The following DOCK10 variants were observed in gnomAD, a reference collection of about 807,000 sequenced individuals.
The protein encoded by DOCK10 is dedicator of cytokinesis protein 10.
DOCK10 carries 145 observed loss-of-function variants against 280.1 expected under a neutral mutation model. The observed-to-expected ratio is 0.52, with a 90% confidence interval of 0.45 to 0.59. The LOEUF (loss-of-function observed/expected upper bound fraction) is 0.59. DOCK10 is among the 20% of genes least tolerant of loss of function. The pLI is 0.00. For synonymous variants in DOCK10, 915 were observed against 942.2 expected (o/e 0.97, Z 0.53); for missense variants, 2,368 against 2,651.7 (o/e 0.89, Z 2.35).
Position 224,830,557 on chromosome 2 carries a change from T to A in DOCK10, c.3020A>T (p.Asp1007Val). The A allele has an allele frequency of 6.6e-7, 1 of 1,512,652 alleles. No homozygotes were observed. The highest frequency in any genetic ancestry group is 8.9e-7 in the Non-Finnish European group (1 of 1,120,602). 93.7% of individuals were successfully genotyped at this position (1,512,652 alleles called of 1,614,324 possible). The change falls in exon 27 of 56, where the codon GAC becomes GTC. Residue 1007 changes from aspartate (D) to valine (V), a missense_variant. Asp to Val is a radical substitution (Grantham distance 152, BLOSUM62 -3). Around this residue, in one of 2 missense-constraint regions of DOCK10, gnomAD observed 1,209 missense variants for 1,250.9 expected, o/e 0.97. Transcript: ENST00000258390. ...ILKSMAQHLI[D>V]TNKIQLPRPQ... ...TGTTCTTACCTGGATTTTATTTGTGTCAATCAAGTGCTGTGCCATCGATTT... is the reference window on the plus strand; with the variant it reads ...TGTTCTTACCTGGATTTTATTTGTGACAATCAAGTGCTGTGCCATCGATTT...
intron 55 of DOCK10, among the ~76,000 whole-genome samples, chr2:224,767,376 C>T (rs1690130353): frequency 6.6e-6 from 1 of 152,166 alleles, no homozygotes; most frequent in Admixed American, 6.5e-5. Context: ...GTTGGCCAGG[C>T]TGGTCTCGAA....
rs1039918698 is a variant in DOCK10, at chr2:224,970,012, A to G, written c.124-38344T>C. Among the ~76,000 whole-genome samples, 1 of 151,970 alleles carries G rather than the reference A, an allele frequency of 6.6e-6. No homozygotes were observed. The highest frequency in any genetic ancestry group is 2.4e-5 in the African/African-American group (1 of 41,342). On this transcript the variant is annotated intron_variant, in intron 1 of 55. Coordinates refer to ENST00000258390, the MANE Select transcript of DOCK10 (RefSeq NM_014689.3). This position sits in a 1 kb window ranked among gnomAD's most constrained non-coding sequence, Gnocchi z 4.6. Reference sequence around the variant, plus strand: ...TTCCCCCAGTGGCTTTCATTTGGGGAATATCATTGGGTTCACTGGCTTTTT... The same window carrying G: ...TTCCCCCAGTGGCTTTCATTTGGGGGATATCATTGGGTTCACTGGCTTTTT...
At chr2:224,810,674 C>G (rs1693709825) in intron 31 of DOCK10, among the ~76,000 whole-genome samples, 1 of 136,376 alleles carries the variant, frequency 7.3e-6, no homozygotes, top group Non-Finnish European at 1.5e-5. Context: ...GTGATGTTCC[C>G]CTTCCTGTGT....
chr2:224,888,625 A>G (rs10168795), intron 4 of DOCK10, among the ~76,000 whole-genome samples: 35,916 of 151,644 alleles, frequency 0.24, 5,835 homozygotes, highest in African/African-American at 0.47. Flanking sequence ...GTGTGTGAAT[A>G]TATGTGTGTA....
intron 40 of DOCK10, among the ~76,000 whole-genome samples, chr2:224,801,232 CA>C (rs1220915606): frequency 1.1e-5 from 1 of 90,194 alleles, no homozygotes; most frequent in Admixed American, 1.5e-4. Context: ...TTACAGAATG[CA>C]AAATTTTCCC....
chr2:224,948,130 G>A (rs1703531685), intron 1 of DOCK10, among the ~76,000 whole-genome samples: 1 of 152,144 alleles, frequency 6.6e-6, no homozygotes, highest in Admixed American at 6.5e-5. Flanking sequence ...CTTTTCCCCA[G>A]TAATAATTAG....
At chr2:224,910,212 C>A (rs1280634680) in intron 3 of DOCK10, among the ~76,000 whole-genome samples, 1 of 152,206 alleles carries the variant, frequency 6.6e-6, no homozygotes, top group Non-Finnish European at 1.5e-5. Context: ...TTCTACAAAG[C>A]TCTACAAACG....
chr2:224,985,841 G>A (rs1705960130), intron 1 of DOCK10, among the ~76,000 whole-genome samples: 1 of 145,066 alleles, frequency 6.9e-6, no homozygotes, highest in Non-Finnish European at 1.5e-5. Flanking sequence ...TGTACATGTT[G>A]ATATATCCAC....
At chr2:224,997,254 C>T (rs868100716) in intron 1 of DOCK10, among the ~76,000 whole-genome samples, 40 of 126,440 alleles carry the variant, frequency 3.2e-4, no homozygotes, top group Non-Finnish European at 4.8e-4. Context: ...TCCTTTCTTT[C>T]GGAGTCTCAC....
Position 224,837,776 on chromosome 2 carries a change from G to A in DOCK10, c.2836C>T (p.Gln946Ter), listed in dbSNP as rs569075728. 1 of 1,613,728 alleles carries A rather than the reference G, an allele frequency of 6.2e-7. No individual in the cohort carries two copies. Among genetic ancestry groups the A allele is most frequent in the Admixed American group, 1.7e-5 (1 of 60,024 alleles). Residue 946 changes from glutamine (Q) to a stop codon, truncating the protein, a stop_gained, in exon 25 of 56, where the codon CAG (glutamine) becomes TAG (stop). Coordinates refer to ENST00000258390, the MANE Select transcript of DOCK10 (RefSeq NM_014689.3). LOFTEE classifies it high-confidence loss of function. ...CHEEQLDHSV[Q>*]SYIKFVFKTR... ...GCATTTCATACCTTAATATATGACT[G>A]GACAGAATGATCCAGCTGCTCCTCA...
At chr2:225,003,243 C>T (rs1184811897) in intron 1 of DOCK10, among the ~76,000 whole-genome samples, 1 of 152,112 alleles carries the variant, frequency 6.6e-6, no homozygotes, top group African/African-American at 2.4e-5. Flanking sequence ...CAGGATTTCA[C>T]CATGTTGCCC....
chr2:224,817,860 A>G (rs1433237292), intron 29 of DOCK10, among the ~76,000 whole-genome samples: 1 of 152,256 alleles, frequency 6.6e-6, no homozygotes, highest in Admixed American at 6.5e-5. Context: ...GAAAGGCTGT[A>G]AGAATCTCAT....
intron 1 of DOCK10, chr2:224,982,359 T>G (rs1432868434): frequency 1.6e-6 from 2 of 1,231,798 alleles, no homozygotes; most frequent in Non-Finnish European, 2.0e-6. Flanking sequence ...ATGCTGGCAG[T>G]GCAGCCCATC....
intron 20 of DOCK10, 72 bp downstream of exon 20, chr2:224,845,446 CT>C: frequency 6.4e-7 from 1 of 1,557,910 alleles, no homozygotes; most frequent in South Asian, 1.2e-5. Flanking sequence ...TAAATCAGGG[CT>C]TTGAAAACAC....
At chr2:224,951,293 T>C (rs1029209008) in intron 1 of DOCK10, among the ~76,000 whole-genome samples, 1 of 152,246 alleles carries the variant, frequency 6.6e-6, no homozygotes, top group Non-Finnish European at 1.5e-5. Context: ...TGTATATACA[T>C]AAACTATTAT....
chr2:224,936,837 C>G (rs1223633721), intron 1 of DOCK10, among the ~76,000 whole-genome samples: 3 of 152,018 alleles, frequency 2.0e-5, no homozygotes, highest in Non-Finnish European at 4.4e-5. Flanking sequence ...CTTGGTTTCT[C>G]AAAACTATCA....
At chr2:224,922,733 G>A (rs978000654) in intron 2 of DOCK10, among the ~76,000 whole-genome samples, 1 of 152,094 alleles carries the variant, frequency 6.6e-6, no homozygotes, top group East Asian at 1.9e-4. Context: ...CTCTCAATTG[G>A]CCAAAGGTCA....
intron 1 of DOCK10, among the ~76,000 whole-genome samples, chr2:224,999,883 C>T (rs539815186): frequency 3.3e-4 from 50 of 152,188 alleles, no homozygotes; most frequent in African/African-American, 1.0e-3. Context: ...TATTGCATGC[C>T]AAGAGCTTGG....
rs759231334 is a variant in DOCK10 at position 224,854,913 on chromosome 2, A to G, written c.1888+50T>C. On this transcript the variant is annotated intron_variant, in intron 16 of 55. Coordinates refer to ENST00000258390, the MANE Select transcript of DOCK10 (RefSeq NM_014689.3). ...CAACCAACCAAAACAAACCCACTAA[A>G]TATTCAATATTCAAAACTCTGCAAC... is the stretch of plus-strand genomic sequence containing the variant. 1.1e-5 allele frequency: 16 copies of G among 1,430,448 alleles called. No homozygotes were observed. In the Admixed American group the frequency reaches 3.2e-4, roughly 29 times the overall value. The allele number at this position is 1,430,448 out of a possible 1,614,324, so 88.6% of individuals were successfully genotyped here.
Sources: allele counts gnomAD v4.1 joint callset (sites outside exome capture counted in the v4.1 genomes callset), GRCh38; gene constraint gnomAD v4.1.1; regional missense constraint gnomAD v4.1.1; non-coding constraint Gnocchi (gnomAD v3.1); transcripts MANE v1.5; gene names NCBI Gene and HGNC (gene_info 2026-07-23, HGNC 2026-07-21).